PATJ: variants seen among roughly 807,000 people sequenced by gnomAD.
PATJ encodes PATJ crumbs cell polarity complex component.
In PATJ, 190 loss-of-function variants were observed where a neutral mutation model predicts 224.9. That is an observed-to-expected ratio of 0.84 (90% CI 0.75 to 0.95). The LOEUF (loss-of-function observed/expected upper bound fraction) is 0.95. PATJ is among the 40% of genes least tolerant of loss of function. PATJ has a pLI of 0.00. For missense variants in PATJ, 2,121 were observed against 2,270.3 expected (o/e 0.93, Z 1.34); for synonymous variants, 769 against 820.3 (o/e 0.94, Z 1.07).
chr1:61,879,696 G>A (rs530690603), intron 21 of PATJ, among the ~76,000 whole-genome samples: 1 of 151,770 alleles, frequency 6.6e-6, no homozygotes, highest in African/African-American at 2.4e-5. Context: ...TTTTGTAGTG[G>A]CAAATCAAAA....
intron 26 of PATJ, among the ~76,000 whole-genome samples, chr1:61,921,933 T>C (rs540419669): frequency 6.6e-6 from 1 of 152,336 alleles, no homozygotes; most frequent in Non-Finnish European, 1.5e-5. Flanking sequence ...TACTTCAATA[T>C]ATTGAATTAA....
At chr1:62,008,168 T>C (rs1428813834) in intron 28 of PATJ, among the ~76,000 whole-genome samples, 1 of 152,176 alleles carries the variant, frequency 6.6e-6, no homozygotes, top group East Asian at 1.9e-4. Context: ...ATCTTGGTTG[T>C]CCTAGCCTAT....
chr1:61,773,718 C>T (rs1321699184), intron 6 of PATJ, among the ~76,000 whole-genome samples: 6 of 151,406 alleles, frequency 4.0e-5, no homozygotes, highest in African/African-American at 1.2e-4. Flanking sequence ...ACCTGGCAGG[C>T]GGAGGTTGCA....
intron 29 of PATJ, among the ~76,000 whole-genome samples, chr1:62,034,500 G>T (rs889185206): frequency 6.1e-5 from 9 of 148,662 alleles, no homozygotes; most frequent in Admixed American, 2.7e-4. Context: ...TTACTTATGA[G>T]AATCATAGGA....
intron 28 of PATJ, among the ~76,000 whole-genome samples, chr1:61,999,793 A>G (rs78827588): frequency 0.023 from 3,529 of 152,340 alleles, 91 homozygotes; most frequent in African/African-American, 0.057. Flanking sequence ...TTTTGTCATT[A>G]CAGAAAGTTT....
At chr1:62,093,269 A>T (rs1338874021) in intron 33 of PATJ, among the ~76,000 whole-genome samples, 1 of 152,148 alleles carries the variant, frequency 6.6e-6, no homozygotes, top group East Asian at 1.9e-4. Context: ...CTATAACCAT[A>T]TGTTGTTCTG....
chr1:61,819,308 T>C (rs1656781548), intron 14 of PATJ, among the ~76,000 whole-genome samples: 2 of 152,218 alleles, frequency 1.3e-5, no homozygotes, highest in Admixed American at 6.5e-5. Context: ...ATTCCTTGGA[T>C]GTGTTTCCTT....
chr1:62,158,037 C>T (rs1256335939), intron 43 of PATJ, among the ~76,000 whole-genome samples: 4 of 148,718 alleles, frequency 2.7e-5, no homozygotes, highest in Admixed American at 7.1e-5. Context: ...ATTACCACCA[C>T]GTTGAGTAAA....
chr1:62,093,440 G>C (rs965172365), intron 33 of PATJ, among the ~76,000 whole-genome samples: 31 of 152,156 alleles, frequency 2.0e-4, no homozygotes, highest in Non-Finnish European at 4.4e-5. Context: ...TATTCCCCCT[G>C]ACGTGAACTT....
chr1:61,801,777 C>T lies in PATJ; in HGVS notation c.1549+8C>T, dbSNP rs527733827. 1.4e-4 allele frequency: 212 copies of T among 1,543,330 alleles called. No homozygotes were observed. In the East Asian group the frequency reaches 2.6e-3, roughly 19 times the overall value. On this transcript the variant is annotated splice_region_variant and intron_variant, in intron 12 of 43. Transcript: ENST00000642238. ...AAGCCTTAGAAAAATTGGGTAGGCACAAAGCATTCACTTTGCGATAACAGA... is the reference window on the plus strand; with the variant it reads ...AAGCCTTAGAAAAATTGGGTAGGCATAAAGCATTCACTTTGCGATAACAGA...
intron 29 of PATJ, among the ~76,000 whole-genome samples, chr1:62,036,340 T>C (rs2148503068): frequency 6.6e-6 from 1 of 152,234 alleles, no homozygotes; most frequent in East Asian, 1.9e-4. Flanking sequence ...TGAGACTTAG[T>C]GGTTGGAAGT....
intron 24 of PATJ, among the ~76,000 whole-genome samples, chr1:61,906,816 C>T (rs535103335): frequency 6.7e-4 from 102 of 152,236 alleles, no homozygotes; most frequent in Non-Finnish European, 1.3e-3. Context: ...GCCACTCAAG[C>T]GGTTCTTTAG....
intron 33 of PATJ, among the ~76,000 whole-genome samples, chr1:62,098,719 C>G (rs1029436399): frequency 2.0e-5 from 3 of 152,194 alleles, no homozygotes; most frequent in South Asian, 2.1e-4. Context: ...TCTGACCCCC[C>G]AGTCCTGAGT....
chr1:62,146,433 C>T (rs558565674), intron 41 of PATJ, among the ~76,000 whole-genome samples: 1 of 152,238 alleles, frequency 6.6e-6, no homozygotes, highest in South Asian at 2.1e-4. Flanking sequence ...GATGGAGGGG[C>T]TGAAGCGAGA....
intron 43 of PATJ, among the ~76,000 whole-genome samples, chr1:62,156,602 T>G (rs1018587392): frequency 3.3e-5 from 5 of 151,218 alleles, no homozygotes; most frequent in African/African-American, 1.2e-4. Flanking sequence ...TATTATAAGA[T>G]TTACTTTGGT....
intron 27 of PATJ, among the ~76,000 whole-genome samples, chr1:61,959,439 C>A (rs2482884): frequency 0.076 from 7,397 of 97,442 alleles, 317 homozygotes; most frequent in East Asian, 0.15. Flanking sequence ...TTTTTCTTTT[C>A]TTTTTTTTTT....
At chr1:61,837,569 G>T (rs553927029) in intron 17 of PATJ, among the ~76,000 whole-genome samples, 41 of 151,986 alleles carry the variant, frequency 2.7e-4, no homozygotes, top group Admixed American at 2.2e-3. Context: ...TGGGCAGATT[G>T]CTTGAGGCCA....
intron 31 of PATJ, among the ~76,000 whole-genome samples, chr1:62,053,936 C>T (rs1323913565): frequency 2.0e-5 from 3 of 151,980 alleles, no homozygotes; most frequent in Non-Finnish European, 2.9e-5. Context: ...CTGAAGATAC[C>T]GCAGTGAACA....
intron 27 of PATJ, among the ~76,000 whole-genome samples, chr1:61,948,231 A>G (rs953818808): frequency 1.3e-5 from 2 of 152,228 alleles, no homozygotes; most frequent in African/African-American, 4.8e-5. Flanking sequence ...ATTAAACTAA[A>G]GAGCTTCTAC....
Sources: allele counts gnomAD v4.1 joint callset (sites outside exome capture counted in the v4.1 genomes callset), GRCh38; gene constraint gnomAD v4.1.1; transcripts MANE v1.5; gene names NCBI Gene and HGNC (gene_info 2026-07-23, HGNC 2026-07-21).